Variants in PDLIM7 observed in about 807,000 individuals in gnomAD.
PDLIM7 encodes PDZ and LIM domain protein 7.
PDLIM7 carries 37 observed loss-of-function variants against 53.9 expected under a neutral mutation model. That is an observed-to-expected ratio of 0.69 (90% CI 0.53 to 0.90). The LOEUF is 0.90. Among genes scored for constraint, PDLIM7 ranks in the 40% least tolerant of loss-of-function variants. The pLI, the probability that PDLIM7 is intolerant of heterozygous loss-of-function variation, is 0.00. For synonymous variants in PDLIM7, 300 were observed against 261.3 expected (o/e 1.15, Z -1.43); for missense variants, 617 against 638.5 (o/e 0.97, Z 0.36).
intron 5 of PDLIM7, 116 bp from the exon 6 acceptor site, chr5:177,491,262 G>T: frequency 7.0e-7 from 1 of 1,434,526 alleles, no homozygotes; most frequent in African/African-American, 1.4e-5. Flanking sequence ...GTGGGTAAGG[G>T]TGAGGCCAGG....
At chr5:177,487,921 G>A (rs1460962271) in intron 10 of PDLIM7, 147 bp downstream of exon 10, 2 of 639,576 alleles carry the variant, frequency 3.1e-6, no homozygotes, top group Non-Finnish European at 5.0e-6. Flanking sequence ...ACTAATGCAG[G>A]GTGAGGCCAG....
chr5:177,490,257 A>C, intron 7 of PDLIM7: 1 of 1,445,702 alleles, frequency 6.9e-7, no homozygotes, highest in Non-Finnish European at 9.1e-7. Flanking sequence ...AGGGCTGAGA[A>C]TGTTTATTCC....
At chr5:177,490,011 TAGC>T (rs757088896) in intron 7 of PDLIM7, 179 bp from the exon 8 acceptor site, 201 of 1,534,552 alleles carry the variant, frequency 1.3e-4, no homozygotes, top group Non-Finnish European at 1.6e-4. Flanking sequence ...AATGTCCAGT[TAGC>T]TGGTGTGCGG....
chr5:177,490,251 C>A (rs1265120007), intron 7 of PDLIM7: 3 of 1,447,800 alleles, frequency 2.1e-6, no homozygotes, highest in Non-Finnish European at 2.7e-6. Context: ...GCAAGCAGGG[C>A]TGAGAATGTT....
At chr5:177,493,769 C>T (rs2127414717) in intron 2 of PDLIM7, among the ~76,000 whole-genome samples, 1 of 151,844 alleles carries the variant, frequency 6.6e-6, no homozygotes, top group Non-Finnish European at 1.5e-5. Flanking sequence ...AGGCCTGGCA[C>T]TGCATCAAGT....
chr5:177,492,309 G>T, intron 4 of PDLIM7, 96 bp downstream of exon 4: 2 of 1,488,274 alleles, frequency 1.3e-6, no homozygotes, highest in Admixed American at 2.0e-5. Context: ...CTCCCGGCCA[G>T]GGATTGGGGT....
At chr5:177,492,146 G>C in intron 4 of PDLIM7, 1 of 603,546 alleles carries the variant, frequency 1.7e-6, no homozygotes, top group South Asian at 2.0e-5. Flanking sequence ...GGCTGACCGA[G>C]TGCGGGCGAG....
intron 9 of PDLIM7, 135 bp from the exon 10 acceptor site, chr5:177,488,383 GA>G (rs1758570181): frequency 1.4e-6 from 1 of 690,558 alleles, no homozygotes; most frequent in African/African-American, 1.8e-5. Flanking sequence ...ACATAGGATA[GA>G]AGACAGGCTT....
chr5:177,489,720 GC>G, intron 8 of PDLIM7, 50 bp downstream of exon 8: 1 of 1,483,156 alleles, frequency 6.7e-7, no homozygotes. Context: ...CCACCCCCAT[GC>G]CCCTGGAGGC....
intron 2 of PDLIM7, among the ~76,000 whole-genome samples, chr5:177,493,821 G>C (rs925294586): frequency 2.6e-5 from 4 of 152,106 alleles, no homozygotes; most frequent in African/African-American, 9.7e-5. Flanking sequence ...TTCACTGGGT[G>C]GGGGGGATCT....
At chr5:177,486,853 A>C (rs143677263) in intron 10 of PDLIM7, among the ~76,000 whole-genome samples, 5 of 147,976 alleles carry the variant, frequency 3.4e-5, no homozygotes, top group South Asian at 2.1e-4. Flanking sequence ...GGATGGTCTC[A>C]ATCTCCTGAC....
intron 10 of PDLIM7, chr5:177,484,802 CAA>C (rs1758355351): frequency 6.4e-6 from 1 of 156,588 alleles, no homozygotes; most frequent in South Asian, 1.9e-4. Context: ...ACCTCGTTCC[CAA>C]CCGTCTCCGC....
chr5:177,489,188 G>A (rs1271929796), intron 9 of PDLIM7, among the ~76,000 whole-genome samples: 1 of 152,260 alleles, frequency 6.6e-6, no homozygotes, highest in Non-Finnish European at 1.5e-5. Flanking sequence ...CACGGCAGAT[G>A]CTGCTAGCAG....
chr5:177,488,387 A>T, intron 9 of PDLIM7, 139 bp from the exon 10 acceptor site: 1 of 681,650 alleles, frequency 1.5e-6, no homozygotes, highest in Non-Finnish European at 2.4e-6. Context: ...AGGATAGAAG[A>T]CAGGCTTGGG....
chr5:177,490,491 G>T (rs140502005), intron 7 of PDLIM7: 20 of 1,552,410 alleles, frequency 1.3e-5, no homozygotes, highest in Non-Finnish European at 1.7e-5. Flanking sequence ...GCTGGAGAGG[G>T]CCGGGCTACG....
rs184572181 is a variant in PDLIM7, at chr5:177,495,653, C to T, written c.96+764G>A. Among the ~76,000 whole-genome samples, 88 of 152,334 alleles carry T rather than the reference C, an allele frequency of 5.8e-4. 1 individual carries two copies. Among genetic ancestry groups the T allele is most frequent in the African/African-American group, 2.0e-3 (83 of 41,576 alleles). On this transcript the variant is annotated intron_variant, in intron 2 of 12. Transcript: ENST00000355841. ...CCCTTTTCAGCTCTGCAGACCGCAG[C>T]CACTGTTGGCCATCCCAGCGTGGGG...
intron 8 of PDLIM7, 64 bp downstream of exon 8, chr5:177,489,707 C>T: frequency 1.3e-6 from 2 of 1,483,046 alleles, no homozygotes; most frequent in Non-Finnish European, 1.8e-6. Flanking sequence ...TGAGAGAAGC[C>T]CACCACCCCC....
At chr5:177,492,005 A>T in intron 4 of PDLIM7, 80 bp from the exon 5 acceptor site, 1 of 651,762 alleles carries the variant, frequency 1.5e-6, no homozygotes, top group Non-Finnish European at 2.3e-6. Context: ...CCTGCAGCAG[A>T]GGACAGCGGC....
chr5:177,497,128 A>G (rs1185343201), intron 1 of PDLIM7, among the ~76,000 whole-genome samples: 1 of 150,706 alleles, frequency 6.6e-6, no homozygotes, highest in Non-Finnish European at 1.5e-5. Flanking sequence ...TGGGTGCTGA[A>G]GAAGGGGAAG....
Sources: allele counts gnomAD v4.1 joint callset (sites outside exome capture counted in the v4.1 genomes callset), GRCh38; gene constraint gnomAD v4.1.1; transcripts MANE v1.5; gene names NCBI Gene and HGNC (gene_info 2026-07-23, HGNC 2026-07-21).